Variants in IGSF21 observed in about 807,000 individuals in gnomAD.
IGSF21 encodes the protein immunoglobin superfamily member 21.
IGSF21 carries 28 observed loss-of-function variants against 46.8 expected under a neutral mutation model. The ratio of observed to expected loss-of-function variants is 0.60; its 90% CI spans 0.44 to 0.82. IGSF21 has a LOEUF of 0.82. Among genes scored for constraint, IGSF21 ranks in the 40% least tolerant of loss-of-function variants. The pLI, the probability that IGSF21 is intolerant of heterozygous loss-of-function variation, is 0.00. For synonymous variants in IGSF21, 284 were observed against 273.6 expected (o/e 1.04, Z -0.38); for missense variants, 624 against 665.5 (o/e 0.94, Z 0.69).
chr1:18,146,546 C>T (rs2086468746), intron 1 of IGSF21, among the ~76,000 whole-genome samples: 1 of 152,198 alleles, frequency 6.6e-6, no homozygotes, highest in African/African-American at 2.4e-5. Context: ...TCTCCCCACA[C>T]CAGCCCAACC....
chr1:18,137,939 T>C (rs1023272730), intron 1 of IGSF21, among the ~76,000 whole-genome samples: 1 of 152,154 alleles, frequency 6.6e-6, no homozygotes, highest in Non-Finnish European at 1.5e-5. Context: ...TGTAGCTGAC[T>C]CAAGGCCACA....
chr1:18,357,140 G>C (rs1383822061), intron 4 of IGSF21, among the ~76,000 whole-genome samples: 1 of 148,908 alleles, frequency 6.7e-6, no homozygotes, highest in African/African-American at 2.5e-5. Flanking sequence ...TCGAGATGGG[G>C]AGGAGATTGA....
At chr1:18,121,182 G>A in intron 1 of IGSF21, among the ~76,000 whole-genome samples, 1 of 152,132 alleles carries the variant, frequency 6.6e-6, no homozygotes. Flanking sequence ...CTTGCAGATG[G>A]GGGAAGGGAA....
chr1:18,285,025 G>A (rs1394321316), intron 2 of IGSF21, among the ~76,000 whole-genome samples: 2 of 152,198 alleles, frequency 1.3e-5, no homozygotes, highest in Non-Finnish European at 2.9e-5. Context: ...AAATACACCA[G>A]CAGTTTTCAC....
chr1:18,341,592 C>G (rs991270869), intron 4 of IGSF21, among the ~76,000 whole-genome samples: 5 of 152,318 alleles, frequency 3.3e-5, no homozygotes, highest in Non-Finnish European at 5.9e-5. Flanking sequence ...TCACTGAACA[C>G]TCACAAAAGC....
chr1:18,232,247 T>A (rs1397769641), intron 2 of IGSF21, among the ~76,000 whole-genome samples: 1 of 133,036 alleles, frequency 7.5e-6, no homozygotes, highest in Non-Finnish European at 1.5e-5. Flanking sequence ...CAATTCCATA[T>A]TTCACCAGTA....
At position 18,130,605 on chromosome 1, in the gene IGSF21, A is replaced by C. The variant is rs182076019; in HGVS notation, c.70+22407A>C. On this transcript the variant is annotated intron_variant, in intron 1 of 9. Transcript: ENST00000251296. ...GGATAGGTAAACTGAGGAACTCAGA[A>C]AGGGTTAGTAACTCACCCAAGGTTA... 2.1e-3 allele frequency among the ~76,000 whole-genome samples: 324 copies of C among 152,320 alleles called. 2 individuals carry two copies. The highest frequency in any genetic ancestry group is 3.8e-3 in the Non-Finnish European group (256 of 68,032).
intron 4 of IGSF21, among the ~76,000 whole-genome samples, chr1:18,347,472 T>C (rs1190723720): frequency 6.6e-6 from 1 of 152,186 alleles, no homozygotes; most frequent in Non-Finnish European, 1.5e-5. Context: ...TGGGACAATG[T>C]GGTAGCCATA....
chr1:18,165,562 A>G (rs2086670447), intron 1 of IGSF21, among the ~76,000 whole-genome samples: 1 of 152,218 alleles, frequency 6.6e-6, no homozygotes, highest in South Asian at 2.1e-4. Flanking sequence ...TTGAGGGAAC[A>G]CTTCTCAGCC....
intron 1 of IGSF21, among the ~76,000 whole-genome samples, chr1:18,179,700 G>T (rs907783194): frequency 6.6e-6 from 1 of 152,120 alleles, no homozygotes; most frequent in Non-Finnish European, 1.5e-5. Context: ...GGAGGGGTCG[G>T]CTTGGGGGTG....
rs1193441542 is a variant in IGSF21 at position 18,362,028 on chromosome 1, T to G, written c.425-87T>G. 3.7e-6 allele frequency: 3 copies of G among 802,480 alleles called. No homozygotes were observed. In the East Asian group the frequency reaches 9.0e-5, roughly 24 times the overall value. 49.7% of individuals were successfully genotyped at this position (802,480 alleles called of 1,614,324 possible). On this transcript the variant is annotated intron_variant, in intron 4 of 9. Coordinates refer to ENST00000251296, the MANE Select transcript of IGSF21 (RefSeq NM_032880.5). ...CCTCCCCCACCCCCGGCACCCAGCA[T>G]GGACGTGGCCCATCTTAGGTCATCA...
At chr1:18,140,264 C>T (rs2086403525) in intron 1 of IGSF21, among the ~76,000 whole-genome samples, 1 of 152,224 alleles carries the variant, frequency 6.6e-6, no homozygotes, top group African/African-American at 2.4e-5. Flanking sequence ...GGAGGTGTAT[C>T]TTCTACCCTG....
intron 1 of IGSF21, among the ~76,000 whole-genome samples, chr1:18,153,032 C>T (rs777980911): frequency 6.6e-6 from 1 of 152,186 alleles, no homozygotes; most frequent in Non-Finnish European, 1.5e-5. Context: ...TGATTGCTTG[C>T]AGTGTGCCGG....
chr1:18,259,868 T>A (rs1444721043), intron 2 of IGSF21, among the ~76,000 whole-genome samples: 1 of 152,120 alleles, frequency 6.6e-6, no homozygotes, highest in Non-Finnish European at 1.5e-5. Flanking sequence ...GAAAGAAGCA[T>A]GAGTTCTTGG....
intron 2 of IGSF21, among the ~76,000 whole-genome samples, chr1:18,250,005 C>G (rs889616832): frequency 8.6e-5 from 13 of 151,916 alleles, no homozygotes; most frequent in African/African-American, 2.9e-4. Flanking sequence ...GCAGTTGGGG[C>G]CCCAGTGCCC....
At position 18,365,364 on chromosome 1, in the gene IGSF21, T is replaced by A; in HGVS notation, c.682T>A (p.Ser228Thr). The change falls in exon 6 of 10, where the codon TCA becomes ACA. Residue 228 changes from serine to threonine, a missense_variant. Ser to Thr is a moderately conservative substitution (Grantham distance 58). Coordinates refer to ENST00000251296, the MANE Select transcript of IGSF21 (RefSeq NM_032880.5). The surrounding 1 kb of genome is among the most constrained non-coding windows in gnomAD (Gnocchi z 4.8). The part of the protein sequence containing the change: ...RDLDDTKMQK[S>T]LSLLDAENRG... ...CCTGGATGACACCAAGATGCAGAAGTCACTGTCCCTCCTGGACGCCGAGAA... is the reference window on the plus strand; with the variant it reads ...CCTGGATGACACCAAGATGCAGAAGACACTGTCCCTCCTGGACGCCGAGAA... 6.2e-7 allele frequency: 1 copy of A among 1,613,780 alleles called. No homozygotes were observed. The highest frequency in any genetic ancestry group is 8.5e-7 in the Non-Finnish European group (1 of 1,179,950).
intron 6 of IGSF21, among the ~76,000 whole-genome samples, chr1:18,370,934 A>T (rs2086218121): frequency 6.6e-6 from 1 of 152,354 alleles, no homozygotes; most frequent in South Asian, 2.1e-4. Context: ...CCAGATGTTG[A>T]CAAGAAGGTA....
intron 1 of IGSF21, among the ~76,000 whole-genome samples, chr1:18,156,317 G>A (rs879422720): frequency 7.9e-5 from 12 of 152,284 alleles, no homozygotes; most frequent in Admixed American, 7.8e-4. Context: ...TGTGCCCACT[G>A]GGCACTCCTC....
chr1:18,170,398 T>C (rs2086725285), intron 1 of IGSF21, among the ~76,000 whole-genome samples: 1 of 152,028 alleles, frequency 6.6e-6, no homozygotes, highest in South Asian at 2.1e-4. Flanking sequence ...TGGCTGGCTA[T>C]AGGCCCCAAA....
Sources: allele counts gnomAD v4.1 joint callset (sites outside exome capture counted in the v4.1 genomes callset), GRCh38; gene constraint gnomAD v4.1.1; non-coding constraint Gnocchi (gnomAD v3.1); transcripts MANE v1.5; gene names NCBI Gene and HGNC (gene_info 2026-07-23, HGNC 2026-07-21).